DIP2C: variants seen among roughly 807,000 people sequenced by gnomAD.
DIP2C encodes the protein DIP2 acetate--CoA ligase C (putative), also known as disco-interacting protein 2 homolog C.
Under a neutral mutation model 192.4 loss-of-function variants are expected in DIP2C, and 33 were observed. The observed-to-expected ratio is 0.17, with a 90% CI of 0.13 to 0.23. The LOEUF (loss-of-function observed/expected upper bound fraction) is 0.23, where lower values mean the gene tolerates loss of function less well. DIP2C is among the 10% of genes least tolerant of loss of function. DIP2C has a pLI of 1.00. For synonymous variants in DIP2C, 979 were observed against 864.1 expected, an observed-to-expected ratio of 1.13 and a Z score of -2.33; for missense variants, 1,537 against 2,110.1, an observed-to-expected ratio of 0.73 and a Z score of 5.32.
intron 3 of DIP2C, among the ~76,000 whole-genome samples, chr10:453,163 A>G (rs1306524139): frequency 6.6e-6 from 1 of 152,250 alleles, no homozygotes; most frequent in Non-Finnish European, 1.5e-5. Context: ...CTGATAAATG[A>G]AATCTAGCAG....
intron 3 of DIP2C, among the ~76,000 whole-genome samples, chr10:453,791 C>G (rs2133344292): frequency 6.6e-6 from 1 of 152,306 alleles, no homozygotes; most frequent in Non-Finnish European, 1.5e-5. Flanking sequence ...CCAAGGAGAC[C>G]ACGCTGCCTG....
At chr10:562,510 G>A (rs929097136) in intron 1 of DIP2C, among the ~76,000 whole-genome samples, 9 of 152,218 alleles carry the variant, frequency 5.9e-5, no homozygotes, top group African/African-American at 1.2e-4. Flanking sequence ...CGAAATAGAC[G>A]AAATTCCAAT....
intron 28 of DIP2C, among the ~76,000 whole-genome samples, chr10:344,091 A>G (rs1245402048): frequency 1.3e-5 from 2 of 152,204 alleles, no homozygotes; most frequent in African/African-American, 4.8e-5. Context: ...TGAGACTATA[A>G]GCGGGCCATG....
chr10:573,265 A>C (rs1204898239), intron 1 of DIP2C, among the ~76,000 whole-genome samples: 1 of 152,152 alleles, frequency 6.6e-6, no homozygotes, highest in Non-Finnish European at 1.5e-5. Context: ...CTTGTTCCAG[A>C]CTCTAAGCAG....
intron 8 of DIP2C, among the ~76,000 whole-genome samples, chr10:409,672 G>A (rs1036900816): frequency 6.6e-6 from 1 of 152,236 alleles, no homozygotes; most frequent in Non-Finnish European, 1.5e-5. Flanking sequence ...TCCACAGCCG[G>A]TCTCACGTGA....
Position 281,295 on chromosome 10 carries a change from C to T in DIP2C, c.4323G>A (p.Gly1441=). 2 of 1,614,090 alleles carry T rather than the reference C, an allele frequency of 1.2e-6. No homozygotes were observed. The highest frequency in any genetic ancestry group is 8.5e-7 in the Non-Finnish European group (1 of 1,179,952). Residue 1441 remains glycine, a synonymous_variant, in exon 36 of 37, where the codon GGG becomes GGA. Coordinates refer to ENST00000280886, the MANE Select transcript of DIP2C (RefSeq NM_014974.3). ...GCAGCTCCATGGCTTCGTCCAGTGC[C>T]CCTACCACGTAGAGGGCATCATGGC... The part of the protein sequence containing the change: ...GERHDALYVV[G]ALDEAMELRG...
chr10:625,764 G>A (rs1199892079), intron 1 of DIP2C, among the ~76,000 whole-genome samples: 2 of 152,190 alleles, frequency 1.3e-5, no homozygotes, highest in African/African-American at 4.8e-5. Context: ...CTCACAGGTG[G>A]GGAGCCACTG....
intron 1 of DIP2C, among the ~76,000 whole-genome samples, chr10:593,644 T>TG: frequency 6.6e-6 from 1 of 152,114 alleles, no homozygotes; most frequent in East Asian, 1.9e-4. Context: ...ATCCTAGCTG[T>TG]GCCTGGGATG....
chr10:297,255 C>G (rs1018026990), intron 32 of DIP2C, among the ~76,000 whole-genome samples: 33 of 146,752 alleles, frequency 2.2e-4, no homozygotes, highest in Non-Finnish European at 4.6e-4. Context: ...CACACACACA[C>G]ACACACACAC....
chr10:337,049 G>GGT (rs148004134), intron 29 of DIP2C, among the ~76,000 whole-genome samples: 462 of 37,948 alleles, frequency 0.012, 57 homozygotes, highest in East Asian at 0.066. Context: ...GGCCTAGACT[G>GGT]GTGTGTGTGT....
intron 28 of DIP2C, among the ~76,000 whole-genome samples, chr10:341,951 T>C (rs1051421989): frequency 8.5e-5 from 13 of 152,102 alleles, no homozygotes; most frequent in African/African-American, 2.9e-4. Context: ...CCCAAAGCTG[T>C]TTTTAGGACT....
At chr10:549,345 T>C (rs1343639840) in intron 1 of DIP2C, among the ~76,000 whole-genome samples, 1 of 152,120 alleles carries the variant, frequency 6.6e-6, no homozygotes, top group Non-Finnish European at 1.5e-5. Flanking sequence ...AGACAGTCCA[T>C]TGCTCTAAGA....
At chr10:502,508 A>G (rs1488096974) in intron 1 of DIP2C, among the ~76,000 whole-genome samples, 1 of 152,158 alleles carries the variant, frequency 6.6e-6, no homozygotes, top group Non-Finnish European at 1.5e-5. Context: ...AAAGCCAGAA[A>G]AAGACATCAT....
intron 1 of DIP2C, chr10:631,327 A>C (rs1268174990): frequency 1.3e-5 from 2 of 152,222 alleles, no homozygotes; most frequent in East Asian, 3.8e-4. Flanking sequence ...CCACTGTAGC[A>C]GCGGATTCTG....
At position 419,132 on chromosome 10, in the gene DIP2C, C is replaced by T. The variant is rs571060916; in HGVS notation, c.672G>A (p.Pro224=). The T allele has an allele frequency of 1.1e-5, 18 of 1,614,264 alleles. No homozygotes were observed. Among genetic ancestry groups the T allele is most frequent in the Non-Finnish European group, 1.4e-5 (16 of 1,180,036 alleles). The part of the protein sequence containing the change: ...TSEHSIQVER[P]QGSTGSRTAP... ...CTGTCCGGGACCCCGTGGAACCCTG[C>T]GGTCTCTCCACCTGTATCGAGTGCT... The change falls in exon 6 of 37, where the codon CCG becomes CCA. Residue 224 remains proline, a synonymous_variant. Transcript: ENST00000280886.
intron 30 of DIP2C, among the ~76,000 whole-genome samples, chr10:328,955 A>G (rs1201554350): frequency 6.6e-6 from 1 of 152,242 alleles, no homozygotes; most frequent in Non-Finnish European, 1.5e-5. Context: ...GCAATTATTA[A>G]AAAATGAAAC....
chr10:589,867 C>A (rs1373960572), intron 1 of DIP2C, among the ~76,000 whole-genome samples: 2 of 152,156 alleles, frequency 1.3e-5, no homozygotes, highest in African/African-American at 4.8e-5. Flanking sequence ...CCAAGGGCCA[C>A]AACATGAGAC....
intron 34 of DIP2C, among the ~76,000 whole-genome samples, 160 bp from the exon 35 acceptor site, chr10:283,606 A>C (rs1954950846): frequency 6.6e-6 from 1 of 152,240 alleles, no homozygotes; most frequent in Non-Finnish European, 1.5e-5. Context: ...GGGTTTCTCG[A>C]GAGACACACA....
At position 625,227 on chromosome 10, in the gene DIP2C, A is replaced by G. The variant is rs531204455; in HGVS notation, c.85+64267T>C. On this transcript the variant is annotated intron_variant, in intron 1 of 36. Transcript: ENST00000280886. The stretch of plus-strand genomic sequence containing the variant: ...ACAAGCCCTTCATTATCACGGCCGC[A>G]AGCCTCTGCGCAGCCCTCCTCCCCC... Among the ~76,000 whole-genome samples the G allele has an allele frequency of 2.6e-4, 39 of 152,204 alleles. No homozygotes were observed. The South Asian group carries it at 6.2e-3, about 24-fold the overall frequency.
Sources: gnomAD v4.1 joint callset for allele counts (sites outside exome capture counted in the v4.1 genomes callset) on GRCh38, gnomAD v4.1.1 for gene constraint, MANE v1.5 for transcripts, NCBI Gene and HGNC (gene_info 2026-07-23, HGNC 2026-07-21) for gene names.